Variants in FOXP2 observed in about 807,000 individuals in gnomAD.
The protein encoded by FOXP2 is forkhead box P2.
Under a neutral mutation model 115.8 loss-of-function variants are expected in FOXP2, and 12 were observed. The observed-to-expected ratio is 0.10, with a 90% CI of 0.07 to 0.17. The LOEUF is 0.17. FOXP2 is among the 10% of genes least tolerant of loss of function. The pLI is 1.00. For synonymous variants in FOXP2, 328 were observed against 297.7 expected (o/e 1.10, Z -1.05); for missense variants, 629 against 843.5 (o/e 0.75, Z 3.15).
intron 3 of FOXP2, among the ~76,000 whole-genome samples, chr7:114,572,789 A>G (rs982411469): frequency 6.6e-6 from 1 of 151,914 alleles, no homozygotes; most frequent in Non-Finnish European, 1.5e-5. Context: ...AATCTATAGC[A>G]TCAAAAGTTT....
intron 1 of FOXP2, among the ~76,000 whole-genome samples, chr7:114,207,685 A>G (rs1254692750): frequency 6.6e-6 from 1 of 152,190 alleles, no homozygotes; most frequent in Non-Finnish European, 1.5e-5. Flanking sequence ...CCTAGCCTCA[A>G]ATCTTTTTTA....
At chr7:114,232,370 T>C (rs1794901979) in intron 1 of FOXP2, among the ~76,000 whole-genome samples, 1 of 152,178 alleles carries the variant, frequency 6.6e-6, no homozygotes, top group African/African-American at 2.4e-5. Context: ...TAGTTATTTA[T>C]ACAAAGTATT....
At chr7:114,566,290 C>T (rs1801015754) in intron 3 of FOXP2, among the ~76,000 whole-genome samples, 2 of 152,132 alleles carry the variant, frequency 1.3e-5, no homozygotes, top group Non-Finnish European at 2.9e-5. Flanking sequence ...ATGTAGACCA[C>T]TCCTATAGCT....
chr7:114,514,839 G>T (rs189718676), intron 2 of FOXP2, among the ~76,000 whole-genome samples: 3,778 of 151,528 alleles, frequency 0.025, 165 homozygotes, highest in African/African-American at 0.087. Flanking sequence ...TTAGCATTAG[G>T]TATATCTCCT....
chr7:114,517,497 G>A (rs1163265772), intron 2 of FOXP2, among the ~76,000 whole-genome samples: 1 of 152,124 alleles, frequency 6.6e-6, no homozygotes, highest in Non-Finnish European at 1.5e-5. Context: ...TTTATGGTGT[G>A]AGATGAGGGT....
At chr7:114,262,313 C>T (rs988874499) in intron 1 of FOXP2, among the ~76,000 whole-genome samples, 4 of 151,930 alleles carry the variant, frequency 2.6e-5, no homozygotes, top group Admixed American at 2.6e-4. Context: ...ATCTCAGCTG[C>T]TTGGATGGCT....
chr7:114,249,861 C>T (rs534536869), intron 1 of FOXP2, among the ~76,000 whole-genome samples: 2 of 151,980 alleles, frequency 1.3e-5, no homozygotes, highest in African/African-American at 4.8e-5. Context: ...AGGTTTGTTA[C>T]ATATGTTTAC....
chr7:114,654,204 T>C (rs1428994974), intron 10 of FOXP2, 195 bp downstream of exon 10: 2 of 1,335,870 alleles, frequency 1.5e-6, no homozygotes, highest in Non-Finnish European at 2.0e-6. Context: ...ATCTATCCAA[T>C]CTACACCATG....
intron 1 of FOXP2, among the ~76,000 whole-genome samples, chr7:114,199,994 C>T (rs1209974630): frequency 6.6e-6 from 1 of 152,112 alleles, no homozygotes; most frequent in East Asian, 1.9e-4. Context: ...TTACTTTCAT[C>T]ATATCCTGCC....
At position 114,378,701 on chromosome 7, in the gene FOXP2, A is replaced by AAAAAAAAG. The variant is rs1554380027; in HGVS notation, c.-10-47801_-10-47800insAAAAAAAG. Among the ~76,000 whole-genome samples, 30 of 106,800 alleles carry AAAAAAAAG rather than the reference A, an allele frequency of 2.8e-4. 5 individuals carry two copies. The highest frequency in any genetic ancestry group is 3.8e-4 in the Non-Finnish European group (20 of 53,048). The allele number at this position is 106,800 out of a possible 152,430, so 70.1% of individuals were successfully genotyped here. A position where few individuals can be genotyped will look rare whatever the true frequency, so the allele number is the denominator to read the frequency against. ...CCTGTCTCCAAAAAAAAAAAAAAAA[A>AAAAAAAAG]GGAAAAGAAAAAGAAAGAAAGTGAA... On this transcript the variant is annotated intron_variant, in intron 2 of 17. Coordinates refer to the FOXP2 transcript ENST00000634411.
intron 1 of FOXP2, among the ~76,000 whole-genome samples, chr7:114,237,180 G>T (rs1795031187): frequency 1.3e-5 from 2 of 152,098 alleles, no homozygotes; most frequent in Admixed American, 6.5e-5. Context: ...GAATATTTAT[G>T]CCCTGAAACA....
In FOXP2 at chr7:114,363,677, TC is replaced by T. The variant is rs201417069; in HGVS notation, c.-10-62824del. Among the ~76,000 whole-genome samples the T allele has an allele frequency of 4.4e-3, 670 of 152,262 alleles. 6 individuals carry two copies. The highest frequency in any genetic ancestry group is 0.015 in the African/African-American group (639 of 41,556). Reference sequence around the variant, plus strand: ...GTAAATTATAGCTACATAATTTTTTTCATGTTGCATATTTTTAAACTCTTAC... The same window carrying T: ...GTAAATTATAGCTACATAATTTTTTTATGTTGCATATTTTTAAACTCTTAC... On this transcript the variant is annotated intron_variant, in intron 2 of 17. Transcript: ENST00000634411.
intron 3 of FOXP2, among the ~76,000 whole-genome samples, chr7:114,557,548 G>A (rs1800525030): frequency 1.3e-5 from 2 of 151,070 alleles, no homozygotes; most frequent in Admixed American, 1.3e-4. Flanking sequence ...TTCCTAATTA[G>A]TGCTGCATTA....
At chr7:114,560,819 T>A (rs1388042818) in intron 3 of FOXP2, 1 of 152,230 alleles carries the variant, frequency 6.6e-6, no homozygotes, top group Non-Finnish European at 1.5e-5. Context: ...GATTATTGAC[T>A]GAAATATGTA....
In FOXP2 at chr7:114,643,769, A is replaced by G. The variant is rs1352420109; in HGVS notation, c.990-916A>G. Among the ~76,000 whole-genome samples, 4 of 152,192 alleles carry G rather than the reference A, an allele frequency of 2.6e-5. No homozygotes were observed. In the East Asian group the frequency reaches 7.7e-4, roughly 29 times the overall value. On this transcript the variant is annotated intron_variant, in intron 7 of 16. Coordinates refer to ENST00000350908, the MANE Select transcript of FOXP2 (RefSeq NM_014491.4). ...TTTTTGAAAGATGAAATGTAAGTGT[A>G]GAATTCTTAACATAATGGCTTAGGC...
At chr7:114,424,567 T>C (rs570552044) in intron 1 of FOXP2, among the ~76,000 whole-genome samples, 17 of 151,630 alleles carry the variant, frequency 1.1e-4, no homozygotes, top group African/African-American at 4.1e-4. Flanking sequence ...ATTTTAAACA[T>C]TGTGCATGTA....
intron 3 of FOXP2, among the ~76,000 whole-genome samples, chr7:114,586,011 T>G (rs972707670): frequency 7.3e-5 from 11 of 151,516 alleles, no homozygotes; most frequent in South Asian, 2.1e-4. Context: ...TTGGTTGGGG[T>G]GTGTGTGTGT....
chr7:114,093,642 T>TA (rs1209778159), intron 1 of FOXP2, among the ~76,000 whole-genome samples: 3 of 152,008 alleles, frequency 2.0e-5, no homozygotes, highest in Admixed American at 6.6e-5. Context: ...TTTTTTTTTT[T>TA]ATCCTACACC....
upstream of FOXP2, among the ~76,000 whole-genome samples, chr7:114,413,170 T>C (rs1793207311): frequency 1.3e-5 from 2 of 152,160 alleles, no homozygotes; most frequent in African/African-American, 4.8e-5. Flanking sequence ...AAACTATCCT[T>C]TATTTCCTCT....
Sources: allele counts gnomAD v4.1 joint callset (sites outside exome capture counted in the v4.1 genomes callset), GRCh38; gene constraint gnomAD v4.1.1; transcripts MANE v1.5; gene names NCBI Gene and HGNC (gene_info 2026-07-23, HGNC 2026-07-21).